DCDC2C: variants seen among roughly 807,000 people sequenced by gnomAD.
DCDC2C encodes doublecortin domain containing 2C, also known as doublecortin domain-containing protein 2C.
A neutral mutation model predicts 45.0 loss-of-function variants in DCDC2C; 44 were observed. That is an observed-to-expected ratio of 0.98 (90% CI 0.77 to 1.26). The LOEUF is 1.26. DCDC2C is among the 50% of genes most tolerant of loss of function. DCDC2C has a pLI of 0.00. For missense variants in DCDC2C, 447 were observed against 468.9 expected (o/e 0.95, Z 0.43); for synonymous variants, 187 against 178.8 (o/e 1.05, Z -0.37).
chr2:3,767,697 G>A lies in DCDC2C; in HGVS notation c.727-57G>A, dbSNP rs116505476. On this transcript the variant is annotated intron_variant, in intron 6 of 10. Coordinates refer to ENST00000399143, the MANE Select transcript of DCDC2C (RefSeq NM_001287444.2). ...CTGACCACACCCAGAGAACCTGATC[G>A]GACTCCTTGTATCCCACTGTTCTTA... 1.9e-3 allele frequency: 2,879 copies of A among 1,535,402 alleles called. 45 individuals are homozygous for A. The African/African-American group carries it at 0.03, about 16-fold the overall frequency.
intron 2 of DCDC2C, among the ~76,000 whole-genome samples, chr2:3,726,328 G>C (rs1485839656): frequency 6.6e-6 from 1 of 152,096 alleles, no homozygotes; most frequent in African/African-American, 2.4e-5. Flanking sequence ...TTCCCAATCA[G>C]AGCTCCCCCC....
intron 4 of DCDC2C, among the ~76,000 whole-genome samples, chr2:3,744,301 C>T (rs1193166829): frequency 6.6e-6 from 1 of 152,188 alleles, no homozygotes; most frequent in Non-Finnish European, 1.5e-5. Context: ...CTGGTGTGGA[C>T]ATGAAGCCAC....
intron 10 of DCDC2C, among the ~76,000 whole-genome samples, chr2:3,839,026 A>G (rs1159376791): frequency 6.6e-6 from 1 of 152,204 alleles, no homozygotes; most frequent in Admixed American, 6.5e-5. Context: ...TTTAAGAATA[A>G]AAAACTACAG....
intron 10 of DCDC2C, among the ~76,000 whole-genome samples, chr2:3,839,058 G>A (rs2148243998): frequency 6.6e-6 from 1 of 152,236 alleles, no homozygotes; most frequent in African/African-American, 2.4e-5. Flanking sequence ...GAGATTATTA[G>A]GTTAACCTGT....
chr2:3,731,081 A>T (rs1449176283), intron 3 of DCDC2C, among the ~76,000 whole-genome samples: 1 of 152,162 alleles, frequency 6.6e-6, no homozygotes, highest in Non-Finnish European at 1.5e-5. Context: ...ATGATGCAGC[A>T]GCTTGTCCTA....
chr2:3,829,927 T>C (rs1188759991), intron 10 of DCDC2C, among the ~76,000 whole-genome samples: 1 of 152,256 alleles, frequency 6.6e-6, no homozygotes, highest in Admixed American at 6.5e-5. Context: ...AGTGTCAGCT[T>C]CTGAAGCTTG....
In DCDC2C at chr2:3,778,803, A is replaced by G; in HGVS notation, c.955-13A>G. 6.4e-7 allele frequency: 1 copy of G among 1,550,454 alleles called. No individual in the cohort carries two copies. Among genetic ancestry groups the G allele is most frequent in the Non-Finnish European group, 8.7e-7 (1 of 1,146,860 alleles). On this transcript the variant is annotated splice_polypyrimidine_tract_variant and intron_variant, in intron 8 of 10. Transcript: ENST00000399143. ...ATAAGTAGTTGATAAAATGTGGTGTATTTTCTCCCCAGAGACAAGCTGAGA... is the reference window on the plus strand; with the variant it reads ...ATAAGTAGTTGATAAAATGTGGTGTGTTTTCTCCCCAGAGACAAGCTGAGA...
At chr2:3,783,721 C>G (rs561316474) in intron 9 of DCDC2C, among the ~76,000 whole-genome samples, 2 of 152,374 alleles carry the variant, frequency 1.3e-5, no homozygotes, top group East Asian at 3.9e-4. Context: ...CGCAAGGCCT[C>G]TGGCCTGAGG....
chr2:3,837,218 G>C (rs999057289), intron 10 of DCDC2C, among the ~76,000 whole-genome samples: 1 of 152,160 alleles, frequency 6.6e-6, no homozygotes, highest in African/African-American at 2.4e-5. Context: ...TCGGAGTTTT[G>C]CTAAATCTGC....
At chr2:3,767,938 T>A in intron 7 of DCDC2C, 58 bp downstream of exon 7, 1 of 1,337,568 alleles carries the variant, frequency 7.5e-7, no homozygotes, top group Non-Finnish European at 9.6e-7. Flanking sequence ...GCTGAGAACA[T>A]GGGATTTTTT....
At chr2:3,838,526 G>T (rs2148243381) in intron 10 of DCDC2C, among the ~76,000 whole-genome samples, 1 of 152,044 alleles carries the variant, frequency 6.6e-6, no homozygotes, top group South Asian at 2.1e-4. Context: ...AGGAGGTGTG[G>T]CCTGAAGCTC....
Position 3,703,722 on chromosome 2 carries a change from G to A in DCDC2C, c.-30G>A. On this transcript the variant is annotated 5_prime_UTR_variant, in exon 1 of 11. Transcript: ENST00000399143. This position sits in a 1 kb window ranked among gnomAD's most constrained non-coding sequence, Gnocchi z 4.4. ...CTGCCCGCGCTGCCGCAGCCTCTCG[G>A]CCCCGGCGAGCGAGGAGCGGGGCGC... 1 of 1,227,722 alleles carries A rather than the reference G, an allele frequency of 8.1e-7. No individual in the cohort carries two copies. 76.1% of individuals were successfully genotyped at this position (1,227,722 alleles called of 1,614,324 possible).
chr2:3,827,888 G>A (rs1028643985), intron 10 of DCDC2C, among the ~76,000 whole-genome samples: 1 of 152,154 alleles, frequency 6.6e-6, no homozygotes. Context: ...TGTCCATCCA[G>A]TTTTAGAATG....
chr2:3,771,906 A>T (rs1670182803), intron 8 of DCDC2C, among the ~76,000 whole-genome samples: 1 of 152,198 alleles, frequency 6.6e-6, no homozygotes, highest in South Asian at 2.1e-4. Flanking sequence ...CCAGGCCATT[A>T]GTGAAGGACG....
chr2:3,841,502 G>T (rs1048610012), intron 10 of DCDC2C, among the ~76,000 whole-genome samples: 1 of 143,100 alleles, frequency 7.0e-6, no homozygotes. Flanking sequence ...GTTTTTGGGA[G>T]TGCTTATGTG....
At chr2:3,730,595 C>T (rs1409733087) in intron 3 of DCDC2C, among the ~76,000 whole-genome samples, 1 of 152,172 alleles carries the variant, frequency 6.6e-6, no homozygotes. Context: ...CCCGAGCTTC[C>T]ACAGCCCTTC....
chr2:3,820,440 G>A (rs193274925), intron 10 of DCDC2C, among the ~76,000 whole-genome samples: 112 of 152,250 alleles, frequency 7.4e-4, no homozygotes, highest in Non-Finnish European at 1.3e-3. Flanking sequence ...GGAGAAGGGG[G>A]TTAGTGAGCA....
At chr2:3,782,928 A>G (rs1473952683) in intron 9 of DCDC2C, among the ~76,000 whole-genome samples, 2 of 152,200 alleles carry the variant, frequency 1.3e-5, no homozygotes, top group African/African-American at 2.4e-5. Context: ...CCAAAGCAAG[A>G]TGGAAAGTAT....
intron 10 of DCDC2C, among the ~76,000 whole-genome samples, chr2:3,812,106 T>C (rs1035554880): frequency 6.6e-5 from 10 of 152,042 alleles, no homozygotes; most frequent in Admixed American, 2.6e-4. Context: ...AAATGAGTGA[T>C]GGACTCCCTC....
Sources: gnomAD v4.1 joint callset for allele counts (sites outside exome capture counted in the v4.1 genomes callset) on GRCh38, gnomAD v4.1.1 for gene constraint, Gnocchi (gnomAD v3.1) non-coding constraint, MANE v1.5 for transcripts, NCBI Gene and HGNC (gene_info 2026-07-23, HGNC 2026-07-21) for gene names.